Variants in SEMA6D observed in about 807,000 individuals in gnomAD.
SEMA6D encodes the protein semaphorin 6D.
SEMA6D carries 35 observed loss-of-function variants against 106.6 expected under a neutral mutation model. That is an observed-to-expected ratio of 0.33 (90% CI 0.25 to 0.44). The LOEUF (loss-of-function observed/expected upper bound fraction) is 0.44. Among genes scored for constraint, SEMA6D ranks in the 20% least tolerant of loss-of-function variants. The pLI is 1.00. For synonymous variants in SEMA6D, 499 were observed against 487.7 expected (o/e 1.02, Z -0.31); for missense variants, 1,185 against 1,345.9 (o/e 0.88, Z 1.87).
At chr15:47,671,746 T>C (rs770430993) in intron 4 of SEMA6D, among the ~76,000 whole-genome samples, 1 of 152,068 alleles carries the variant, frequency 6.6e-6, no homozygotes, top group Non-Finnish European at 1.5e-5. Context: ...CTGGTGGTGG[T>C]AGCAATAAAA....
At chr15:47,336,210 CTT>C (rs1567007425) in intron 1 of SEMA6D, among the ~76,000 whole-genome samples, 1 of 152,142 alleles carries the variant, frequency 6.6e-6, no homozygotes, top group Admixed American at 6.6e-5. Flanking sequence ...GGTTGTGTCT[CTT>C]TTACCTGATT....
At chr15:47,239,885 T>G (rs2032797047) in intron 1 of SEMA6D, among the ~76,000 whole-genome samples, 1 of 152,226 alleles carries the variant, frequency 6.6e-6, no homozygotes, top group African/African-American at 2.4e-5. Flanking sequence ...TGTTGTTATC[T>G]ACCCAACTAA....
At chr15:47,579,210 C>T (rs986986408) in intron 3 of SEMA6D, among the ~76,000 whole-genome samples, 8 of 149,776 alleles carry the variant, frequency 5.3e-5, no homozygotes, top group African/African-American at 2.0e-4. Flanking sequence ...GGTGCCATTT[C>T]AGCTCACTGC....
chr15:47,514,332 T>G (rs2044321411), intron 3 of SEMA6D, among the ~76,000 whole-genome samples: 1 of 152,202 alleles, frequency 6.6e-6, no homozygotes. Context: ...TCCAGTTTCA[T>G]GGTTTCAAAT....
intron 1 of SEMA6D, among the ~76,000 whole-genome samples, chr15:47,724,935 A>G (rs578223215): frequency 2.0e-5 from 3 of 152,328 alleles, no homozygotes; most frequent in African/African-American, 7.2e-5. Flanking sequence ...GAGTAAGATG[A>G]TTTGCCTCAA....
chr15:47,454,243 T>C (rs2042275323), intron 2 of SEMA6D, among the ~76,000 whole-genome samples: 1 of 152,040 alleles, frequency 6.6e-6, no homozygotes, highest in African/African-American at 2.4e-5. Flanking sequence ...GGTTTAGTTT[T>C]AATAACTGAA....
At chr15:47,517,875 A>C (rs1024820063) in intron 3 of SEMA6D, among the ~76,000 whole-genome samples, 2 of 152,146 alleles carry the variant, frequency 1.3e-5, no homozygotes, top group Non-Finnish European at 2.9e-5. Context: ...TCTTCTGGAA[A>C]TGTCTCCTCT....
intron 1 of SEMA6D, among the ~76,000 whole-genome samples, chr15:47,365,883 A>AG (rs2038997316): frequency 1.2e-5 from 1 of 81,696 alleles, no homozygotes. Flanking sequence ...AAAGAGAGAG[A>AG]GAGAGAGGAG....
intron 4 of SEMA6D, among the ~76,000 whole-genome samples, chr15:47,677,669 C>G (rs985805149): frequency 6.6e-6 from 1 of 152,150 alleles, no homozygotes; most frequent in African/African-American, 2.4e-5. Context: ...GCGCCAGGAT[C>G]TCCTATTGTT....
chr15:47,453,188 A>C, intron 2 of SEMA6D, among the ~76,000 whole-genome samples: 1 of 151,958 alleles, frequency 6.6e-6, no homozygotes, highest in East Asian at 1.9e-4. Flanking sequence ...TATTAGGATA[A>C]AATTTAATTT....
At chr15:47,515,729 C>T (rs945294722) in intron 3 of SEMA6D, among the ~76,000 whole-genome samples, 1 of 152,304 alleles carries the variant, frequency 6.6e-6, no homozygotes, top group Middle Eastern at 3.4e-3. Context: ...TTAGCATCTT[C>T]TTAAAATATG....
chr15:47,708,082 G>A (rs144353298), intron 4 of SEMA6D, among the ~76,000 whole-genome samples: 9 of 152,096 alleles, frequency 5.9e-5, no homozygotes, highest in East Asian at 1.9e-4. Context: ...GCATTCTTAC[G>A]TCTGAAACCT....
chr15:47,353,017 G>C (rs1230193037), intron 1 of SEMA6D, among the ~76,000 whole-genome samples: 1 of 152,016 alleles, frequency 6.6e-6, no homozygotes, highest in Non-Finnish European at 1.5e-5. Context: ...GTCGTAAGAG[G>C]TACTATTAGG....
At chr15:47,761,131 T>A (rs761225388) in intron 4 of SEMA6D, 27 bp from the exon 5 acceptor site, 1 of 1,613,262 alleles carries the variant, frequency 6.2e-7, no homozygotes, top group Non-Finnish European at 8.5e-7. Flanking sequence ...AGTTAAAAAC[T>A]GCTTTGGTTT....
intron 3 of SEMA6D, among the ~76,000 whole-genome samples, chr15:47,581,610 G>T (rs60723456): frequency 0.037 from 5,582 of 152,220 alleles, 327 homozygotes; most frequent in African/African-American, 0.13. Flanking sequence ...GGTAAGGGAC[G>T]CAAAGGTCTT....
At chr15:47,362,864 A>C (rs2038866530) in intron 1 of SEMA6D, among the ~76,000 whole-genome samples, 1 of 152,162 alleles carries the variant, frequency 6.6e-6, no homozygotes, top group Non-Finnish European at 1.5e-5. Context: ...GTGAGCTTCC[A>C]AAGGCAACAG....
chr15:47,537,162 A>G (rs1046211497), intron 3 of SEMA6D, among the ~76,000 whole-genome samples: 1 of 152,244 alleles, frequency 6.6e-6, no homozygotes, highest in East Asian at 1.9e-4. Context: ...AATTAATTTT[A>G]TAGTCAGAAA....
At chr15:47,607,126 G>T (rs1566930103) in intron 4 of SEMA6D, among the ~76,000 whole-genome samples, 1 of 152,072 alleles carries the variant, frequency 6.6e-6, no homozygotes, top group Non-Finnish European at 1.5e-5. Flanking sequence ...TTTTGGTGAA[G>T]GTGAGATCAA....
At chr15:47,351,515 C>T (rs1314667144) in intron 1 of SEMA6D, among the ~76,000 whole-genome samples, 1 of 152,042 alleles carries the variant, frequency 6.6e-6, no homozygotes, top group African/African-American at 2.4e-5. Context: ...ATTGTTATTC[C>T]TGATTCAGCT....
Sources: gnomAD v4.1 joint callset for allele counts (sites outside exome capture counted in the v4.1 genomes callset) on GRCh38, gnomAD v4.1.1 for gene constraint, MANE v1.5 for transcripts, NCBI Gene and HGNC (gene_info 2026-07-23, HGNC 2026-07-21) for gene names.